Variants in ZNF521 observed in about 807,000 individuals in gnomAD.
ZNF521 encodes the protein LYST-interacting protein 3.
Under a neutral mutation model 105.5 loss-of-function variants are expected in ZNF521, and 14 were observed. The observed-to-expected ratio is 0.13, with a 90% CI of 0.09 to 0.21. The LOEUF is 0.21. ZNF521 is among the 10% of genes least tolerant of loss of function. The pLI, the probability that ZNF521 is intolerant of heterozygous loss-of-function variation, is 1.00. For missense variants in ZNF521, 1,233 were observed against 1,629.7 expected, an observed-to-expected ratio of 0.76 and a Z score of 4.19; for synonymous variants, 635 against 606.0, an observed-to-expected ratio of 1.05 and a Z score of -0.70.
At chr18:25,334,050 C>G (rs1358387018) in intron 2 of ZNF521, among the ~76,000 whole-genome samples, 3 of 152,174 alleles carry the variant, frequency 2.0e-5, no homozygotes, top group Non-Finnish European at 4.4e-5. Context: ...ATTTCACCAG[C>G]AATGAAGAAA....
chr18:25,263,158 A>T (rs1909024723), intron 3 of ZNF521, among the ~76,000 whole-genome samples: 1 of 152,176 alleles, frequency 6.6e-6, no homozygotes, highest in African/African-American at 2.4e-5. Flanking sequence ...AATGAGTCTC[A>T]CTTAGCCCCA....
chr18:25,197,658 T>C (rs910719596), intron 4 of ZNF521, among the ~76,000 whole-genome samples: 1 of 151,782 alleles, frequency 6.6e-6, no homozygotes, highest in African/African-American at 2.4e-5. Flanking sequence ...GAGAGAATTC[T>C]TCCTAATTCT....
At chr18:25,162,104 C>T (rs1280075791) in intron 5 of ZNF521, among the ~76,000 whole-genome samples, 2 of 152,162 alleles carry the variant, frequency 1.3e-5, no homozygotes, top group Non-Finnish European at 2.9e-5. Flanking sequence ...TTTTAGCTCG[C>T]CTGAACCTAT....
chr18:25,255,359 G>A (rs936378642), intron 3 of ZNF521, among the ~76,000 whole-genome samples: 1 of 152,030 alleles, frequency 6.6e-6, no homozygotes. Context: ...TAAAAAGGAA[G>A]GTGGAAAGTT....
chr18:25,153,759 A>T (rs984486216), intron 5 of ZNF521, among the ~76,000 whole-genome samples: 2 of 152,104 alleles, frequency 1.3e-5, no homozygotes, highest in Non-Finnish European at 2.9e-5. Flanking sequence ...CTTTAGCATG[A>T]TTGCTTTTTT....
chr18:25,260,171 C>A (rs1191549829), intron 3 of ZNF521, among the ~76,000 whole-genome samples: 1 of 152,170 alleles, frequency 6.6e-6, no homozygotes, highest in African/African-American at 2.4e-5. Context: ...TCAGACACAT[C>A]CTGGGTTCAA....
At chr18:25,137,801 A>C (rs2034764819) in intron 5 of ZNF521, among the ~76,000 whole-genome samples, 1 of 152,156 alleles carries the variant, frequency 6.6e-6, no homozygotes, top group South Asian at 2.1e-4. Context: ...GTCCCAGAGA[A>C]AATAAGAGAC....
At chr18:25,123,949 T>C (rs536810734) in intron 5 of ZNF521, among the ~76,000 whole-genome samples, 30 of 152,274 alleles carry the variant, frequency 2.0e-4, no homozygotes, top group African/African-American at 5.8e-4. Flanking sequence ...ACTCGACTGA[T>C]TGTTATTTCC....
chr18:25,249,575 C>T (rs1907968862), intron 3 of ZNF521, among the ~76,000 whole-genome samples: 1 of 152,112 alleles, frequency 6.6e-6, no homozygotes, highest in South Asian at 2.1e-4. Context: ...GATTCTCCTG[C>T]TTCAGCCTCC....
intron 7 of ZNF521, among the ~76,000 whole-genome samples, chr18:25,068,697 C>G (rs770899227): frequency 2.1e-4 from 32 of 152,072 alleles, no homozygotes; most frequent in African/African-American, 6.8e-4. Context: ...TGTGTCTGTA[C>G]GGGTCCCTGA....
At chr18:25,299,524 A>G (rs1004613674) in intron 3 of ZNF521, among the ~76,000 whole-genome samples, 3 of 152,218 alleles carry the variant, frequency 2.0e-5, no homozygotes, top group South Asian at 2.1e-4. Context: ...TGCTGTATAC[A>G]AAAAACCCCT....
chr18:25,206,305 C>T (rs1279951110), intron 4 of ZNF521, among the ~76,000 whole-genome samples: 2 of 152,088 alleles, frequency 1.3e-5, no homozygotes, highest in Admixed American at 1.3e-4. Context: ...AGAGCCACCG[C>T]GCCCGGCCCA....
chr18:25,243,868 G>A (rs543592318), intron 3 of ZNF521, among the ~76,000 whole-genome samples: 2 of 151,986 alleles, frequency 1.3e-5, no homozygotes, highest in Non-Finnish European at 2.9e-5. Flanking sequence ...GATGTTTTTT[G>A]GGGGGAGGGG....
At chr18:25,078,930 A>T (rs1478574145) in intron 7 of ZNF521, among the ~76,000 whole-genome samples, 6 of 152,154 alleles carry the variant, frequency 3.9e-5, no homozygotes, top group Admixed American at 3.9e-4. Context: ...GTGGGAACAA[A>T]CCACCTATTT....
In ZNF521 at chr18:25,091,941, T is replaced by C; in HGVS notation, c.3790+9A>G. On this transcript the variant is annotated intron_variant, in intron 6 of 7. Coordinates refer to ENST00000361524, the MANE Select transcript of ZNF521 (RefSeq NM_015461.3). ...CCTCTCCTGTGTCTTCCTGAAATAA[T>C]CTTCCCACCTGTAAAGCAGACTGGA... 1 of 1,613,020 alleles carries C rather than the reference T, an allele frequency of 6.2e-7. No homozygotes were observed. Among genetic ancestry groups the C allele is most frequent in the Non-Finnish European group, 8.5e-7 (1 of 1,179,510 alleles).
chr18:25,341,026 C>T (rs972343145), intron 2 of ZNF521, among the ~76,000 whole-genome samples: 1 of 152,118 alleles, frequency 6.6e-6, no homozygotes, highest in African/African-American at 2.4e-5. Context: ...TCATGTTGAT[C>T]ATCTTTTTCT....
intron 3 of ZNF521, among the ~76,000 whole-genome samples, chr18:25,286,925 A>G (rs1910737972): frequency 6.6e-6 from 1 of 152,228 alleles, no homozygotes; most frequent in Admixed American, 6.5e-5. Context: ...TATCTTTTGC[A>G]AATTACATCA....
intron 3 of ZNF521, among the ~76,000 whole-genome samples, chr18:25,280,947 C>T (rs1368609017): frequency 2.0e-5 from 3 of 152,124 alleles, no homozygotes; most frequent in African/African-American, 7.2e-5. Context: ...TCTCTCTCAC[C>T]CAAATCCCTT....
intron 5 of ZNF521, among the ~76,000 whole-genome samples, chr18:25,137,763 C>T (rs575936949): frequency 2.6e-5 from 4 of 152,274 alleles, no homozygotes; most frequent in Admixed American, 1.3e-4. Flanking sequence ...TCGAGTCCAA[C>T]GCCTTCATTT....
Sources: gnomAD v4.1 joint callset for allele counts (sites outside exome capture counted in the v4.1 genomes callset) on GRCh38, gnomAD v4.1.1 for gene constraint, MANE v1.5 for transcripts, NCBI Gene and HGNC (gene_info 2026-07-23, HGNC 2026-07-21) for gene names.